The following SOBP variants were observed in gnomAD, a reference collection of about 807,000 sequenced individuals.
The protein encoded by SOBP is sine oculis binding protein homolog, also known as sine oculis-binding protein homolog.
A neutral mutation model predicts 53.6 loss-of-function variants in SOBP; 4 were observed. The observed-to-expected ratio is 0.07, with a 90% CI of 0.04 to 0.17. The LOEUF (loss-of-function observed/expected upper bound fraction) is 0.17. Ranked by LOEUF, SOBP falls within the 10% of genes least tolerant of loss-of-function variation. The probability of loss-of-function intolerance (pLI) is 1.00; values close to 1 mark genes in which losing one functional copy is unlikely to be tolerated. For synonymous variants in SOBP, 584 were observed against 522.6 expected, an observed-to-expected ratio of 1.12 and a Z score of -1.60; for missense variants, 1,088 against 1,204.7, an observed-to-expected ratio of 0.90 and a Z score of 1.43.
intron 5 of SOBP, among the ~76,000 whole-genome samples, chr6:107,623,806 C>G (rs1284288907): frequency 6.6e-6 from 1 of 152,110 alleles, no homozygotes; most frequent in African/African-American, 2.4e-5. Context: ...TTTCGGTTGA[C>G]CAGAAACTCA....
intron 4 of SOBP, among the ~76,000 whole-genome samples, chr6:107,564,007 G>A (rs530437722): frequency 3.9e-5 from 6 of 152,274 alleles, no homozygotes; most frequent in Admixed American, 1.3e-4. Flanking sequence ...TGATGGAGAC[G>A]GGTGGGTAGT....
chr6:107,491,390 G>A (rs1782577774), intron 1 of SOBP, among the ~76,000 whole-genome samples: 1 of 152,230 alleles, frequency 6.6e-6, no homozygotes, highest in African/African-American at 2.4e-5. Context: ...ACAGCTGTCT[G>A]AGGGGCGGCC....
chr6:107,624,234 G>A (rs754748966), intron 5 of SOBP, among the ~76,000 whole-genome samples: 5 of 152,212 alleles, frequency 3.3e-5, no homozygotes, highest in Non-Finnish European at 7.3e-5. Context: ...GAATTCCACT[G>A]GACTCTCTGC....
At chr6:107,550,210 A>G (rs1784423973) in intron 4 of SOBP, among the ~76,000 whole-genome samples, 1 of 152,204 alleles carries the variant, frequency 6.6e-6, no homozygotes, top group Non-Finnish European at 1.5e-5. Context: ...AGAGAAGCAT[A>G]AGAATGCATA....
At chr6:107,620,259 TCCAGCTC>T (rs1244677985) in intron 5 of SOBP, among the ~76,000 whole-genome samples, 1 of 152,212 alleles carries the variant, frequency 6.6e-6, no homozygotes, top group Non-Finnish European at 1.5e-5. Context: ...TCCATCCACT[TCCAGCTC>T]CCTTCTCCCC....
chr6:107,631,371 T>C (rs925921431), intron 5 of SOBP, among the ~76,000 whole-genome samples: 1 of 152,356 alleles, frequency 6.6e-6, no homozygotes. Context: ...ATGCCTAATA[T>C]TGAAACAGAA....
Position 107,634,548 on chromosome 6 carries a change from C to A in SOBP, c.1704C>A (p.Gly568=). 2 of 1,608,916 alleles carry A rather than the reference C, an allele frequency of 1.2e-6. No homozygotes were observed. The highest frequency in any genetic ancestry group is 8.5e-7 in the Non-Finnish European group (1 of 1,179,826). ...AGAACTTCATTCCGAACGCCCCTGG[C>A]GACTCCGCGGCGGCGGGCGGCAAGC... The part of the protein sequence containing the change: ...NGENFIPNAP[G]DSAAAGGKPS... The change falls in exon 6 of 7, where the codon GGC becomes GGA. Residue 568 remains glycine, a synonymous_variant. Coordinates refer to ENST00000317357, the MANE Select transcript of SOBP (RefSeq NM_018013.4). The surrounding 1 kb of genome is among the most constrained non-coding windows in gnomAD (Gnocchi z 4.5).
In SOBP at chr6:107,523,188, G is replaced by C. The variant is rs142128632; in HGVS notation, c.422-10271G>C. ...GCTCAAGAGGAATGTCTAGAGAGAA[G>C]AGTGCTCTGAAGGATTTCTTGTTAG... On this transcript the variant is annotated intron_variant, in intron 3 of 6. Transcript: ENST00000317357. 4.4e-4 allele frequency among the ~76,000 whole-genome samples: 67 copies of C among 152,322 alleles called. 1 individual carries two copies. Among genetic ancestry groups the C allele is most frequent in the Middle Eastern group, 3.4e-3 (1 of 294 alleles).
intron 5 of SOBP, among the ~76,000 whole-genome samples, chr6:107,617,200 G>A (rs1346727858): frequency 1.3e-5 from 2 of 152,144 alleles, no homozygotes; most frequent in Non-Finnish European, 2.9e-5. Context: ...GCAGTGTGGG[G>A]TTATCTCCAA....
chr6:107,557,128 G>A (rs565050410), intron 4 of SOBP, among the ~76,000 whole-genome samples: 3 of 151,926 alleles, frequency 2.0e-5, no homozygotes, highest in African/African-American at 7.2e-5. Context: ...TGTTGCTGTC[G>A]CAAGTGACCA....
chr6:107,548,183 C>T (rs2115006943), intron 4 of SOBP, among the ~76,000 whole-genome samples: 1 of 152,144 alleles, frequency 6.6e-6, no homozygotes, highest in East Asian at 1.9e-4. Context: ...AAAAGGAATC[C>T]CCAATCTCAT....
chr6:107,589,502 G>A (rs905548147), intron 5 of SOBP, among the ~76,000 whole-genome samples: 2 of 152,216 alleles, frequency 1.3e-5, no homozygotes, highest in Admixed American at 1.3e-4. Context: ...ACACAAGTGT[G>A]TGTAATCAGA....
chr6:107,587,036 C>T (rs763319996), intron 4 of SOBP, 44 bp from the exon 5 acceptor site: 1 of 1,447,746 alleles, frequency 6.9e-7, no homozygotes, highest in South Asian at 1.1e-5. Context: ...TTTTTTCTTC[C>T]ATTATTTGTA....
chr6:107,595,350 C>CT (rs745477007), intron 5 of SOBP, among the ~76,000 whole-genome samples: 23,368 of 87,810 alleles, frequency 0.27, 4,182 homozygotes, highest in African/African-American at 0.46. Context: ...GATTTTGATC[C>CT]TTTTTTTTTT....
chr6:107,541,246 G>A (rs976193367), intron 4 of SOBP, among the ~76,000 whole-genome samples: 1 of 152,110 alleles, frequency 6.6e-6, no homozygotes, highest in African/African-American at 2.4e-5. Context: ...TAGTAGATAT[G>A]AATTTTGTAC....
chr6:107,575,720 GTAATAA>G (rs772512260), intron 4 of SOBP, among the ~76,000 whole-genome samples: 1 of 151,990 alleles, frequency 6.6e-6, no homozygotes, highest in Admixed American at 6.6e-5. Context: ...TCCTGGAAAT[GTAATAA>G]TAATAATAAT....
At chr6:107,530,702 T>C (rs1304889249) in intron 3 of SOBP, among the ~76,000 whole-genome samples, 1 of 152,122 alleles carries the variant, frequency 6.6e-6, no homozygotes, top group Non-Finnish European at 1.5e-5. Flanking sequence ...CCAAAGCATA[T>C]ACCTTTATGA....
chr6:107,549,061 A>G (rs545209924), intron 4 of SOBP, among the ~76,000 whole-genome samples: 75 of 152,230 alleles, frequency 4.9e-4, no homozygotes, highest in South Asian at 3.7e-3. Flanking sequence ...AGTTCAGGAG[A>G]TCGAGACCAT....
intron 5 of SOBP, 115 bp from the exon 6 acceptor site, chr6:107,633,399 C>G (rs1344561796): frequency 7.8e-7 from 1 of 1,285,550 alleles, no homozygotes; most frequent in East Asian, 2.3e-5. Context: ...ACAGTTCTGC[C>G]TGTTTGAGAA....
Sources: allele counts gnomAD v4.1 joint callset (sites outside exome capture counted in the v4.1 genomes callset), GRCh38; gene constraint gnomAD v4.1.1; non-coding constraint Gnocchi (gnomAD v3.1); transcripts MANE v1.5; gene names NCBI Gene and HGNC (gene_info 2026-07-23, HGNC 2026-07-21).